Variants in ZSCAN25 observed in about 807,000 individuals in gnomAD.
ZSCAN25 encodes the protein zinc finger and SCAN domain containing 25.
In ZSCAN25, 27 loss-of-function variants were observed where a neutral mutation model predicts 38.7. The observed-to-expected ratio is 0.70, with a 90% confidence interval of 0.51 to 0.96. ZSCAN25 has a LOEUF of 0.96. Among genes scored for constraint, ZSCAN25 ranks in the 40% least tolerant of loss-of-function variants. ZSCAN25 has a pLI of 0.00. For missense variants in ZSCAN25, 637 were observed against 705.9 expected, an observed-to-expected ratio of 0.90 and a Z score of 1.11; for synonymous variants, 273 against 277.7, an observed-to-expected ratio of 0.98 and a Z score of 0.17.
At chr7:99,730,037 G>C in the ZSCAN25 span, among the ~76,000 whole-genome samples, 1 of 152,272 alleles carries the variant, frequency 6.6e-6, no homozygotes, top group East Asian at 1.9e-4. Flanking sequence ...TGAGAAACAA[G>C]CCTCAGGTAT....
the ZSCAN25 span, among the ~76,000 whole-genome samples, chr7:99,642,924 AACAGAG>A: frequency 6.6e-6 from 1 of 152,316 alleles, no homozygotes; most frequent in East Asian, 1.9e-4. Flanking sequence ...ATCCAAGTTG[AACAGAG>A]ACAGTATGGG....
At chr7:99,674,684 C>T in the ZSCAN25 span, 1 of 945,300 alleles carries the variant, frequency 1.1e-6, no homozygotes, top group Admixed American at 2.3e-5. Flanking sequence ...TGAAATCAGG[C>T]CTGCTATCTT....
chr7:99,720,402 A>C, the ZSCAN25 span: 1 of 1,613,636 alleles, frequency 6.2e-7, no homozygotes, highest in Non-Finnish European at 8.5e-7. Context: ...GGCTGTTGAC[A>C]GTCATAAATA....
At chr7:99,667,398 G>A in the ZSCAN25 span, among the ~76,000 whole-genome samples, 1 of 152,224 alleles carries the variant, frequency 6.6e-6, no homozygotes, top group Non-Finnish European at 1.5e-5. Context: ...TTCCCCAGGA[G>A]TGTGCAGAGT....
Position 99,629,358 on chromosome 7 carries a change from C to G in ZSCAN25, c.973C>G (p.Pro325Ala), listed in dbSNP as rs10239632. The G allele has an allele frequency of 6.4e-3, 10,337 of 1,614,148 alleles. 485 individuals carry two copies. In the African/African-American group the frequency reaches 0.11, roughly 17 times the overall value. ...CCCTGCAGGCAGTGCGCCTGGGCTT[C>G]CTCCTCCCCAGCACGGTGCCATCCC... ...GGPAGSAPGL[P>A]PPQHGAIPLP... The change falls in exon 8 of 8, where the codon CCT becomes GCT. Residue 325 changes from proline (P) to alanine (A), a missense_variant. Pro to Ala is a conservative substitution (Grantham distance 27). Transcript: ENST00000394152. The surrounding 1 kb of genome is among the most constrained non-coding windows in gnomAD (Gnocchi z 5.6).
the ZSCAN25 span, among the ~76,000 whole-genome samples, chr7:99,707,247 A>G: frequency 2.6e-5 from 4 of 152,220 alleles, no homozygotes; most frequent in African/African-American, 9.6e-5. Context: ...TTCGTATCCA[A>G]TAGAACTACC....
the ZSCAN25 span, among the ~76,000 whole-genome samples, chr7:99,638,937 C>A: frequency 6.6e-6 from 1 of 152,216 alleles, no homozygotes; most frequent in East Asian, 1.9e-4. Flanking sequence ...CATCACCGAC[C>A]GCACAACTTG....
chr7:99,700,144 T>A, the ZSCAN25 span: 65 of 737,386 alleles, frequency 8.8e-5, no homozygotes, highest in Non-Finnish European at 1.5e-4. Flanking sequence ...CAGTCTTAGG[T>A]CAAGCTGCTG....
At chr7:99,679,957 T>C in the ZSCAN25 span, 1 of 1,474,384 alleles carries the variant, frequency 6.8e-7, no homozygotes, top group East Asian at 2.3e-5. Flanking sequence ...TGCTGCTGTT[T>C]GCTGGGCTGT....
Position 99,631,807 on chromosome 7 carries a change from C to G in ZSCAN25, c.*1787C>G. The stretch of plus-strand genomic sequence containing the variant: ...CATTAGCTGTGCCCACGAGGCTGCA[C>G]TGACTGGGTCGTAAATGTATCTGAG... On this transcript the variant is annotated 3_prime_UTR_variant, in exon 8 of 8. Transcript: ENST00000394152. The G allele has an allele frequency of 1.0e-6, 1 of 985,476 alleles. No homozygotes were observed. Among genetic ancestry groups the G allele is most frequent in the Non-Finnish European group, 1.2e-6 (1 of 829,952 alleles). The allele number at this position is 985,476 out of a possible 1,614,324, so 61.0% of individuals were successfully genotyped here. A position where few individuals can be genotyped will look rare whatever the true frequency, so the allele number is the denominator to read the frequency against.
chr7:99,688,555 T>G, the ZSCAN25 span, among the ~76,000 whole-genome samples: 2 of 152,098 alleles, frequency 1.3e-5, no homozygotes, highest in African/African-American at 4.8e-5. Flanking sequence ...AGACTTTGAC[T>G]CCCACACAAT....
chr7:99,647,163 C>T, the ZSCAN25 span, among the ~76,000 whole-genome samples: 2 of 152,234 alleles, frequency 1.3e-5, no homozygotes, highest in African/African-American at 4.8e-5. Context: ...TCTCCAGGCC[C>T]TATTTAGGCT....
Position 99,629,846 on chromosome 7 carries a change from G to A in ZSCAN25, c.1461G>A (p.Gly487=). The change falls in exon 8 of 8, where the codon GGG becomes GGA. Residue 487 remains glycine, a synonymous_variant. Coordinates refer to ENST00000394152, the MANE Select transcript of ZSCAN25 (RefSeq NM_145115.3). This position sits in a 1 kb window ranked among gnomAD's most constrained non-coding sequence, Gnocchi z 5.6. ...RRAHTGEKPY[G]CQVCGKRFSK... is the part of the protein sequence containing the mutation. The stretch of plus-strand genomic sequence containing the variant: ...CCCACACTGGCGAGAAGCCATATGG[G>A]TGCCAGGTGTGCGGGAAGCGGTTCA... The A allele has an allele frequency of 6.2e-7, 1 of 1,614,240 alleles. No homozygotes were observed. The highest frequency in any genetic ancestry group is 1.3e-5 in the African/African-American group (1 of 75,068).
chr7:99,634,953 T>C (rs1429571152), downstream of ZSCAN25, among the ~76,000 whole-genome samples: 1 of 152,056 alleles, frequency 6.6e-6, no homozygotes, highest in African/African-American at 2.4e-5. Flanking sequence ...ATAGTAATAA[T>C]AATAATAATA....
the ZSCAN25 span, among the ~76,000 whole-genome samples, chr7:99,677,964 A>G: frequency 6.6e-6 from 1 of 152,054 alleles, no homozygotes; most frequent in Non-Finnish European, 1.5e-5. Context: ...TGCTGGGCGA[A>G]CTCTTTAGTT....
At chr7:99,652,402 G>T in the ZSCAN25 span, 275 of 518,746 alleles carry the variant, frequency 5.3e-4, no homozygotes, top group Non-Finnish European at 5.4e-4. Flanking sequence ...TCTGTGGTTT[G>T]TAAAGTTTGA....
chr7:99,733,360 T>G, the ZSCAN25 span, among the ~76,000 whole-genome samples: 30 of 152,322 alleles, frequency 2.0e-4, no homozygotes, highest in East Asian at 1.4e-3. Context: ...AGGCTGTGCT[T>G]GGCAAACTGT....
At chr7:99,637,164 T>C (rs2151318115), downstream of ZSCAN25, among the ~76,000 whole-genome samples, 2 of 152,342 alleles carry the variant, frequency 1.3e-5, no homozygotes, top group South Asian at 4.1e-4. Context: ...AACAGGAATG[T>C]GTATTTTTTT....
chr7:99,731,247 A>G, the ZSCAN25 span: 3 of 1,408,266 alleles, frequency 2.1e-6, no homozygotes, highest in Admixed American at 1.8e-5. Context: ...ATGATCAGGC[A>G]AAGGAGGTAA....
Sources: gnomAD v4.1 joint callset for allele counts (sites outside exome capture counted in the v4.1 genomes callset) on GRCh38, gnomAD v4.1.1 for gene constraint, Gnocchi (gnomAD v3.1) non-coding constraint, MANE v1.5 for transcripts, NCBI Gene and HGNC (gene_info 2026-07-23, HGNC 2026-07-21) for gene names.